The following KIF1B variants were observed in gnomAD, a reference collection of about 807,000 sequenced individuals.
KIF1B encodes the protein kinesin-like protein KIF1B.
KIF1B carries 76 observed loss-of-function variants against 241.9 expected under a neutral mutation model. The ratio of observed to expected loss-of-function variants is 0.31; its 90% CI spans 0.26 to 0.38. The LOEUF (loss-of-function observed/expected upper bound fraction) is 0.38, where lower values mean the gene tolerates loss of function less well. Ranked by LOEUF, KIF1B falls within the 10% of genes least tolerant of loss-of-function variation. KIF1B has a pLI of 1.00. For synonymous variants in KIF1B, 750 were observed against 796.7 expected, an observed-to-expected ratio of 0.94 and a Z score of 0.99; for missense variants, 1,622 against 2,271.4, an observed-to-expected ratio of 0.71 and a Z score of 5.81.
At chr1:10,341,840 G>A (rs541258049) in intron 32 of KIF1B, among the ~76,000 whole-genome samples, 2 of 152,094 alleles carry the variant, frequency 1.3e-5, no homozygotes, top group Non-Finnish European at 2.9e-5. Context: ...GCATGGTGGT[G>A]CATGTCTGTA....
intron 1 of KIF1B, among the ~76,000 whole-genome samples, chr1:10,211,088 G>T (rs1425128717): frequency 2.0e-5 from 3 of 152,010 alleles, no homozygotes; most frequent in South Asian, 4.1e-4. Context: ...CCAGCGGTCG[G>T]CTGGGGCCCC....
intron 43 of KIF1B, among the ~76,000 whole-genome samples, chr1:10,366,163 G>A (rs1638566617): frequency 6.6e-6 from 1 of 152,066 alleles, no homozygotes; most frequent in Non-Finnish European, 1.5e-5. Flanking sequence ...CCCAGGAGGC[G>A]GAGATTGCAG....
intron 17 of KIF1B, among the ~76,000 whole-genome samples, chr1:10,293,191 T>TTA (rs1269771430): frequency 6.6e-6 from 1 of 152,230 alleles, no homozygotes; most frequent in East Asian, 1.9e-4. Flanking sequence ...GTTAAGTATT[T>TTA]TATATGTTTA....
rs537487834 is a variant in KIF1B, at chr1:10,300,780, A to G, written c.2115+3534A>G. Among the ~76,000 whole-genome samples the G allele has an allele frequency of 6.8e-4, 103 of 152,322 alleles. 1 individual carries two copies. Among genetic ancestry groups the G allele is most frequent in the Non-Finnish European group, 1.1e-3 (76 of 68,022 alleles). ...TTTTTCTCTAATATTTATGAATGTC[A>G]TATTTATCACTTAAAATTAGCCATT... On this transcript the variant is annotated intron_variant, in intron 22 of 48. Transcript: ENST00000676179.
chr1:10,288,490 C>G (rs1424014132), intron 15 of KIF1B, among the ~76,000 whole-genome samples: 1 of 152,124 alleles, frequency 6.6e-6, no homozygotes, highest in Non-Finnish European at 1.5e-5. Flanking sequence ...CTTTGAGCCT[C>G]TGTGTGTGTT....
At chr1:10,360,271 CT>C (rs1381488165) in intron 38 of KIF1B, among the ~76,000 whole-genome samples, 3 of 152,100 alleles carry the variant, frequency 2.0e-5, no homozygotes, top group African/African-American at 4.8e-5. Context: ...CTTACATAGT[CT>C]TTCTTTCTTC....
chr1:10,296,183 T>G (rs1650253179), intron 19 of KIF1B, among the ~76,000 whole-genome samples: 1 of 152,188 alleles, frequency 6.6e-6, no homozygotes, highest in Non-Finnish European at 1.5e-5. Context: ...AATTTAATGG[T>G]TTTTTTCTGT....
intron 1 of KIF1B, among the ~76,000 whole-genome samples, chr1:10,216,641 G>A (rs546876540): frequency 6.6e-6 from 1 of 152,132 alleles, no homozygotes; most frequent in African/African-American, 2.4e-5. Flanking sequence ...GTCCCTGTCG[G>A]AGCAGTTCTG....
chr1:10,233,507 G>A (rs11580854), intron 2 of KIF1B, among the ~76,000 whole-genome samples: 58,244 of 151,458 alleles, frequency 0.38, 11,461 homozygotes, highest in African/African-American at 0.46. Context: ...TTGAGACCCC[G>A]TATATATATT....
intron 1 of KIF1B, among the ~76,000 whole-genome samples, chr1:10,224,997 A>G (rs1399333143): frequency 6.6e-6 from 1 of 152,166 alleles, no homozygotes; most frequent in Non-Finnish European, 1.5e-5. Context: ...GATCCCTTGC[A>G]TGCACAGTTC....
intron 23 of KIF1B, among the ~76,000 whole-genome samples, chr1:10,321,069 A>G (rs1651504997): frequency 6.6e-6 from 1 of 151,462 alleles, no homozygotes; most frequent in African/African-American, 2.4e-5. Context: ...AAAAAGAAAT[A>G]TATGAAGTCA....
intron 17 of KIF1B, among the ~76,000 whole-genome samples, chr1:10,294,395 G>A (rs1269700620): frequency 6.6e-6 from 1 of 151,714 alleles, no homozygotes; most frequent in Non-Finnish European, 1.5e-5. Context: ...AAAAATTATA[G>A]TGGGAAGTGG....
chr1:10,268,217 TC>T lies in KIF1B; in HGVS notation c.675del (p.Phe225LeufsTer25). ...SRSHAVFTIV[F>X]TQKKHDNETN... ...TCCCACGCTGTGTTTACGATTGTTT[TC>T]ACCCAGAAGAAACACGATAATGAGA... On this transcript the variant is annotated frameshift_variant, in exon 7 of 49. Transcript: ENST00000676179. LOFTEE classifies it high-confidence loss of function. 1 of 1,614,026 alleles carries T rather than the reference TC, an allele frequency of 6.2e-7. No homozygotes were observed. Among genetic ancestry groups the T allele is most frequent in the Non-Finnish European group, 8.5e-7 (1 of 1,179,894 alleles).
rs11804081 is a variant in KIF1B at position 10,232,228 on chromosome 1, T to C, written c.-79-22T>C. The stretch of plus-strand genomic sequence containing the variant: ...TTGCTTTAATTCTGACTACCTCATA[T>C]GGAATTTTTTTCTTTTCAAAGGAAA... On this transcript the variant is annotated intron_variant, in intron 1 of 48. Transcript: ENST00000676179. 1,105 of 814,558 alleles carry C rather than the reference T, an allele frequency of 1.4e-3. 10 individuals are homozygous for C. The African/African-American group carries it at 0.016, about 12-fold the overall frequency. 50.5% of individuals were successfully genotyped at this position (814,558 alleles called of 1,614,324 possible).
In KIF1B at chr1:10,232,244, TCAAAGG is replaced by T; in HGVS notation, c.-79-5_-79del. ...TACCTCATATGGAATTTTTTTCTTT[TCAAAGG>T]AAACTTGGCTGTAACTTCAAAAGAA... is the stretch of plus-strand genomic sequence containing the variant. On this transcript the variant is annotated splice_acceptor_variant and splice_polypyrimidine_tract_variant and 5_prime_UTR_variant and intron_variant, in exon 2 of 49. Transcript: ENST00000676179. LOFTEE classifies it low-confidence loss of function (5UTR_SPLICE). The T allele has an allele frequency of 9.2e-7, 1 of 1,083,062 alleles. No individual in the cohort carries two copies. The highest frequency in any genetic ancestry group is 1.4e-6 in the Non-Finnish European group (1 of 727,254). 67.1% of individuals were successfully genotyped at this position (1,083,062 alleles called of 1,614,324 possible).
At position 10,326,683 on chromosome 1, in the gene KIF1B, C is replaced by T. The variant is rs567235634; in HGVS notation, c.2924+324C>T. On this transcript the variant is annotated intron_variant, in intron 27 of 48. Transcript: ENST00000676179. The surrounding 1 kb of genome is among the most constrained non-coding windows in gnomAD (Gnocchi z 5.2). The stretch of plus-strand genomic sequence containing the variant: ...GGAGAAAGTAAAGCTAAGAGTCAAA[C>T]GTAGTGGGTTCAGTGAATAGTATTA... Among the ~76,000 whole-genome samples the T allele has an allele frequency of 7.2e-5, 11 of 152,198 alleles. No homozygotes were observed. The highest frequency in any genetic ancestry group is 1.9e-4 in the East Asian group (1 of 5,172).
chr1:10,254,148 G>A (rs752466768), intron 2 of KIF1B, among the ~76,000 whole-genome samples: 6 of 152,234 alleles, frequency 3.9e-5, no homozygotes, highest in Non-Finnish European at 7.3e-5. Flanking sequence ...GTGTATGAGT[G>A]AGGGAGAAAG....
At chr1:10,250,363 G>A (rs1441638672) in intron 2 of KIF1B, among the ~76,000 whole-genome samples, 1 of 149,840 alleles carries the variant, frequency 6.7e-6, no homozygotes, top group Non-Finnish European at 1.5e-5. Flanking sequence ...TTTTGAAACG[G>A]AGCCTCGCTC....
intron 2 of KIF1B, among the ~76,000 whole-genome samples, chr1:10,250,763 C>A (rs1189556983): frequency 2.0e-5 from 3 of 152,170 alleles, no homozygotes; most frequent in Non-Finnish European, 4.4e-5. Flanking sequence ...GAGTTGCAGG[C>A]TGCAGTAAGC....
Sources: gnomAD v4.1 joint callset for allele counts (sites outside exome capture counted in the v4.1 genomes callset) on GRCh38, gnomAD v4.1.1 for gene constraint, Gnocchi (gnomAD v3.1) non-coding constraint, MANE v1.5 for transcripts, NCBI Gene and HGNC (gene_info 2026-07-23, HGNC 2026-07-21) for gene names.